Variants in SLC9A9 observed in about 807,000 individuals in gnomAD.
SLC9A9 encodes the protein solute carrier family 9 member A9.
A neutral mutation model predicts 77.8 loss-of-function variants in SLC9A9; 62 were observed. That is an observed-to-expected ratio of 0.80 (90% confidence interval 0.65 to 0.98). SLC9A9 has a LOEUF of 0.98. Ranked by LOEUF, SLC9A9 falls within the 50% of genes least tolerant of loss-of-function variation. The pLI is 0.00. For missense variants in SLC9A9, 775 were observed against 774.9 expected (o/e 1.00, Z 0.00); for synonymous variants, 320 against 283.5 (o/e 1.13, Z -1.29).
intron 8 of SLC9A9, among the ~76,000 whole-genome samples, chr3:143,559,733 A>G (rs1445149859): frequency 6.6e-6 from 1 of 152,214 alleles, no homozygotes; most frequent in African/African-American, 2.4e-5. Flanking sequence ...TATTGTTACC[A>G]TATCTTCTAC....
chr3:143,722,338 T>G (rs113961400), intron 4 of SLC9A9, among the ~76,000 whole-genome samples: 2,732 of 151,708 alleles, frequency 0.018, 74 homozygotes, highest in African/African-American at 0.061. Flanking sequence ...CCGGGCGTAG[T>G]GGCGGGCACC....
intron 4 of SLC9A9, among the ~76,000 whole-genome samples, chr3:143,786,287 T>C (rs941731867): frequency 1.3e-5 from 2 of 152,244 alleles, no homozygotes; most frequent in African/African-American, 4.8e-5. Context: ...ATTTTTCTTA[T>C]GTTATTAGGC....
chr3:143,287,778 T>C (rs1938422994), intron 14 of SLC9A9, among the ~76,000 whole-genome samples: 1 of 152,186 alleles, frequency 6.6e-6, no homozygotes, highest in Non-Finnish European at 1.5e-5. Flanking sequence ...TAATTAGGAA[T>C]GGCCGGGGTG....
At chr3:143,446,364 G>A (rs1421869977) in intron 12 of SLC9A9, among the ~76,000 whole-genome samples, 2 of 152,066 alleles carry the variant, frequency 1.3e-5, no homozygotes, top group African/African-American at 2.4e-5. Flanking sequence ...ATTCTCTTAC[G>A]AATTGGAAAG....
chr3:143,638,094 T>C (rs979938962), intron 6 of SLC9A9, among the ~76,000 whole-genome samples: 1 of 152,216 alleles, frequency 6.6e-6, no homozygotes, highest in Non-Finnish European at 1.5e-5. Flanking sequence ...GAATTAACTC[T>C]GCCAAGAAGT....
intron 11 of SLC9A9, among the ~76,000 whole-genome samples, chr3:143,474,270 A>T (rs1029773566): frequency 3.9e-5 from 6 of 152,230 alleles, no homozygotes; most frequent in Non-Finnish European, 8.8e-5. Context: ...GAGGTGACAT[A>T]GCCAAATCAT....
At chr3:143,368,180 A>G (rs2032959669) in intron 13 of SLC9A9, among the ~76,000 whole-genome samples, 1 of 152,200 alleles carries the variant, frequency 6.6e-6, no homozygotes, top group Non-Finnish European at 1.5e-5. Context: ...GAGGTTGGGA[A>G]GTGACAGAAT....
chr3:143,737,797 T>C (rs1381491849), intron 4 of SLC9A9, among the ~76,000 whole-genome samples: 1 of 152,142 alleles, frequency 6.6e-6, no homozygotes, highest in Non-Finnish European at 1.5e-5. Context: ...GAGAAAACTA[T>C]GAAGTAAGAC....
intron 14 of SLC9A9, among the ~76,000 whole-genome samples, chr3:143,304,376 G>A (rs989231980): frequency 6.6e-6 from 1 of 152,188 alleles, no homozygotes; most frequent in Admixed American, 6.5e-5. Context: ...GACTCCAGAA[G>A]CAACAAACAT....
At chr3:143,638,156 G>A (rs2038557682) in intron 6 of SLC9A9, among the ~76,000 whole-genome samples, 1 of 151,878 alleles carries the variant, frequency 6.6e-6, no homozygotes, top group South Asian at 2.1e-4. Flanking sequence ...GGGAATGGGG[G>A]GTAAAAATGA....
chr3:143,585,550 T>C (rs2037526422), intron 6 of SLC9A9, among the ~76,000 whole-genome samples: 1 of 152,224 alleles, frequency 6.6e-6, no homozygotes, highest in African/African-American at 2.4e-5. Flanking sequence ...CCCTGACCAC[T>C]GTGGGCACAT....
chr3:143,392,674 A>G (rs1218315922), intron 12 of SLC9A9, among the ~76,000 whole-genome samples: 1 of 152,256 alleles, frequency 6.6e-6, no homozygotes, highest in Non-Finnish European at 1.5e-5. Flanking sequence ...TAAAGAGTCA[A>G]GACCCATCAG....
chr3:143,622,807 A>T (rs973588527), intron 6 of SLC9A9, among the ~76,000 whole-genome samples: 2 of 152,156 alleles, frequency 1.3e-5, no homozygotes, highest in Non-Finnish European at 1.5e-5. Flanking sequence ...TCCAATTTAA[A>T]GACACAGACT....
chr3:143,466,102 A>G (rs2108568436), intron 12 of SLC9A9, among the ~76,000 whole-genome samples: 1 of 152,316 alleles, frequency 6.6e-6, no homozygotes, highest in Non-Finnish European at 1.5e-5. Flanking sequence ...GCACTATACT[A>G]GGTGCTGTAA....
intron 9 of SLC9A9, among the ~76,000 whole-genome samples, chr3:143,530,003 T>C (rs550188606): frequency 1.3e-5 from 2 of 152,136 alleles, no homozygotes; most frequent in African/African-American, 4.8e-5. Flanking sequence ...CACCACCTGT[T>C]ATTAGAACCC....
At chr3:143,653,106 G>C (rs1437231834) in intron 5 of SLC9A9, among the ~76,000 whole-genome samples, 2 of 152,142 alleles carry the variant, frequency 1.3e-5, no homozygotes, top group Admixed American at 6.5e-5. Flanking sequence ...TCCTGTGAAG[G>C]GAGACACGGT....
At chr3:143,779,065 T>G (rs1414301676) in intron 4 of SLC9A9, among the ~76,000 whole-genome samples, 2 of 152,252 alleles carry the variant, frequency 1.3e-5, no homozygotes, top group Non-Finnish European at 2.9e-5. Flanking sequence ...TGCTCCGGGA[T>G]GTCTTATGGG....
intron 14 of SLC9A9, among the ~76,000 whole-genome samples, chr3:143,291,291 G>T (rs545206281): frequency 6.6e-6 from 1 of 152,158 alleles, no homozygotes; most frequent in South Asian, 2.1e-4. Flanking sequence ...TCTGCTCGTC[G>T]AAGTGCTAAG....
chr3:143,620,972 C>T (rs1000864248), intron 6 of SLC9A9, among the ~76,000 whole-genome samples: 7 of 152,186 alleles, frequency 4.6e-5, no homozygotes, highest in African/African-American at 1.4e-4. Context: ...GATTATATCC[C>T]GCGCCTGGCT....
Sources: gnomAD v4.1 joint callset for allele counts (sites outside exome capture counted in the v4.1 genomes callset) on GRCh38, gnomAD v4.1.1 for gene constraint, MANE v1.5 for transcripts, NCBI Gene and HGNC (gene_info 2026-07-23, HGNC 2026-07-21) for gene names.